The following CSMD2 variants were observed in gnomAD, a reference collection of about 807,000 sequenced individuals.
CSMD2 encodes CUB and Sushi multiple domains 2.
CSMD2 carries 130 observed loss-of-function variants against 398.5 expected under a neutral mutation model. The observed-to-expected ratio is 0.33, with a 90% CI of 0.28 to 0.38. The LOEUF is 0.38. CSMD2 is among the 10% of genes least tolerant of loss of function. The pLI, the probability that CSMD2 is intolerant of heterozygous loss-of-function variation, is 1.00. For missense variants in CSMD2, 3,829 were observed against 4,764.9 expected, an observed-to-expected ratio of 0.80 and a Z score of 5.78; for synonymous variants, 1,828 against 1,908.5, an observed-to-expected ratio of 0.96 and a Z score of 1.10.
Position 34,076,928 on chromosome 1 carries a change from A to AATAT in CSMD2, c.404+12045_404+12048dup, listed in dbSNP as rs1177320523. 3.8e-3 allele frequency among the ~76,000 whole-genome samples: 204 copies of AATAT among 53,516 alleles called. 3 individuals are homozygous for AATAT. The highest frequency in any genetic ancestry group is 7.1e-3 in the African/African-American group (82 of 11,548). 35.1% of individuals were successfully genotyped at this position (53,516 alleles called of 152,430 possible). ...GCAAAGCAAAAAAAAAAAAAAAAAAAATATATATATATATATATATATATA... is the reference window on the plus strand; with the variant it reads ...GCAAAGCAAAAAAAAAAAAAAAAAAAATATATATATATATATATATATATATATA... On this transcript the variant is annotated intron_variant, in intron 2 of 70. Transcript: ENST00000373381.
intron 6 of CSMD2, among the ~76,000 whole-genome samples, chr1:33,841,590 G>A (rs1660855399): frequency 6.6e-6 from 1 of 151,856 alleles, no homozygotes; most frequent in Non-Finnish European, 1.5e-5. Flanking sequence ...AACATTCCTG[G>A]CCTGGAGGCA....
intron 46 of CSMD2, among the ~76,000 whole-genome samples, chr1:33,585,786 A>G (rs1639043446): frequency 6.6e-6 from 1 of 152,248 alleles, no homozygotes; most frequent in African/African-American, 2.4e-5. Flanking sequence ...ATTTGCAGGT[A>G]GCAGTAGTTC....
rs754134079 is a variant in CSMD2, at chr1:33,792,408, C to T, written c.1550+15G>A. ...ACCGTCCCACCTTCCAAACAACATG[C>T]CCCACTGCACTTACATGTAGAGAAC... On this transcript the variant is annotated intron_variant, in intron 11 of 70. Coordinates refer to ENST00000373381, the MANE Select transcript of CSMD2 (RefSeq NM_001281956.2). 5.0e-6 allele frequency: 8 copies of T among 1,591,852 alleles called. No homozygotes were observed. The highest frequency in any genetic ancestry group is 6.9e-6 in the Non-Finnish European group (8 of 1,159,658).
intron 5 of CSMD2, chr1:33,870,746 C>T (rs1163718105): frequency 1.3e-5 from 2 of 152,160 alleles, no homozygotes; most frequent in African/African-American, 4.8e-5. Context: ...GAAATTCACA[C>T]TCTGTGTAAT....
At chr1:33,684,120 C>T (rs1644990341) in intron 25 of CSMD2, among the ~76,000 whole-genome samples, 1 of 152,162 alleles carries the variant, frequency 6.6e-6, no homozygotes, top group South Asian at 2.1e-4. Flanking sequence ...GAAACGACAG[C>T]AAGGGAATCC....
chr1:33,949,197 G>A (rs1383239464), intron 3 of CSMD2, among the ~76,000 whole-genome samples: 2 of 152,224 alleles, frequency 1.3e-5, no homozygotes, highest in Non-Finnish European at 2.9e-5. Flanking sequence ...CAGGCAAAGT[G>A]CTTATCTCAG....
rs1298108484 is a variant in CSMD2, at chr1:33,515,068, GC to G, written c.*1555del. On this transcript the variant is annotated 3_prime_UTR_variant, in exon 71 of 71. Coordinates refer to ENST00000373381, the MANE Select transcript of CSMD2 (RefSeq NM_001281956.2). ...GGCCTTCCCGAGGACAGAGAAAGTG[GC>G]CCTAAATGCTATACTTTGATTCCTA... is the stretch of plus-strand genomic sequence containing the variant. The G allele has an allele frequency of 1.3e-5, 2 of 152,206 alleles. No individual in the cohort carries two copies. The highest frequency in any genetic ancestry group is 4.8e-5 in the African/African-American group (2 of 41,434). 9.4% of individuals were successfully genotyped at this position (152,206 alleles called of 1,614,324 possible). A position where few individuals can be genotyped will look rare whatever the true frequency, so the allele number is the denominator to read the frequency against.
intron 1 of CSMD2, among the ~76,000 whole-genome samples, chr1:34,127,793 G>C (rs911334786): frequency 6.6e-6 from 1 of 152,138 alleles, no homozygotes; most frequent in Non-Finnish European, 1.5e-5. Context: ...GACTGACCCA[G>C]GGCTGGAGCG....
Position 33,533,112 on chromosome 1 carries a change from C to G in CSMD2, c.10109G>C (p.Gly3370Ala), listed in dbSNP as rs2148563974. The G allele has an allele frequency of 6.2e-7, 1 of 1,613,938 alleles. No homozygotes were observed. Among genetic ancestry groups the G allele is most frequent in the Non-Finnish European group, 8.5e-7 (1 of 1,179,994 alleles). ...CGCCTTGCAGGTGCGGTGCTCGGAG[C>G]CACCCTTGAGGGAGAAGCCCTCCTG... ...SCQEGFSLKG[G>A]SEHRTCKADG... is the part of the protein sequence containing the mutation. The change falls in exon 64 of 71, where the codon GGC becomes GCC. Residue 3370 changes from glycine (G) to alanine (A), a missense_variant. By Grantham distance (60) the Gly-to-Ala change is moderately conservative. Transcript: ENST00000373381. This position sits in a 1 kb window ranked among gnomAD's most constrained non-coding sequence, Gnocchi z 4.2.
chr1:33,778,899 C>G (rs1402871110), intron 12 of CSMD2, among the ~76,000 whole-genome samples: 3 of 152,094 alleles, frequency 2.0e-5, no homozygotes, highest in Non-Finnish European at 4.4e-5. Flanking sequence ...CCTTCTCCCT[C>G]AGCTCTCCTT....
chr1:33,759,329 T>TTC (rs1557851119), intron 13 of CSMD2, among the ~76,000 whole-genome samples: 2 of 139,732 alleles, frequency 1.4e-5, no homozygotes, highest in African/African-American at 5.1e-5. Context: ...TTTTTCTTTT[T>TTC]TTTTTTTTTT....
At chr1:34,038,239 T>G (rs1048796453) in intron 2 of CSMD2, among the ~76,000 whole-genome samples, 2 of 152,182 alleles carry the variant, frequency 1.3e-5, no homozygotes, top group Non-Finnish European at 2.9e-5. Flanking sequence ...CTGACAAGAT[T>G]AAATACCATA....
At chr1:33,622,516 G>GC (rs1266637838) in intron 36 of CSMD2, among the ~76,000 whole-genome samples, 1 of 152,170 alleles carries the variant, frequency 6.6e-6, no homozygotes, top group African/African-American at 2.4e-5. Context: ...CCATGTGCCC[G>GC]CAGGAGGGTG....
chr1:33,948,135 T>A (rs2125360613), intron 3 of CSMD2, among the ~76,000 whole-genome samples: 1 of 152,312 alleles, frequency 6.6e-6, no homozygotes, highest in South Asian at 2.1e-4. Context: ...ATTTTGCAGT[T>A]TGAGGATCAG....
At chr1:33,799,770 G>A (rs1360367455) in intron 10 of CSMD2, among the ~76,000 whole-genome samples, 1 of 152,216 alleles carries the variant, frequency 6.6e-6, no homozygotes, top group Non-Finnish European at 1.5e-5. Flanking sequence ...AAAAATACAA[G>A]GAGCATGAGA....
chr1:34,033,744 G>A (rs553170237), intron 2 of CSMD2, among the ~76,000 whole-genome samples: 1 of 152,318 alleles, frequency 6.6e-6, no homozygotes, highest in Admixed American at 6.5e-5. Context: ...TCTCCTGGGT[G>A]CCGCTGTATA....
intron 12 of CSMD2, among the ~76,000 whole-genome samples, chr1:33,776,622 C>T (rs1034845998): frequency 1.3e-5 from 2 of 152,014 alleles, no homozygotes; most frequent in African/African-American, 4.8e-5. Context: ...ATGACTTGTC[C>T]CAGCAGCCCT....
At chr1:33,851,372 C>T (rs1638697514) in intron 5 of CSMD2, among the ~76,000 whole-genome samples, 1 of 152,188 alleles carries the variant, frequency 6.6e-6, no homozygotes, top group Non-Finnish European at 1.5e-5. Flanking sequence ...ATGTGCATGG[C>T]CCTGGTCTGA....
chr1:33,634,680 C>T (rs1390921074), intron 31 of CSMD2, among the ~76,000 whole-genome samples: 7 of 152,184 alleles, frequency 4.6e-5, no homozygotes. Flanking sequence ...CTGGAAGTTT[C>T]TCTGTCTTCC....
Sources: gnomAD v4.1 joint callset for allele counts (sites outside exome capture counted in the v4.1 genomes callset) on GRCh38, gnomAD v4.1.1 for gene constraint, Gnocchi (gnomAD v3.1) non-coding constraint, MANE v1.5 for transcripts, NCBI Gene and HGNC (gene_info 2026-07-23, HGNC 2026-07-21) for gene names.